The following EML2 variants were observed in gnomAD, a reference collection of about 807,000 sequenced individuals.
The protein encoded by EML2 is EMAP like 2.
Under a neutral mutation model 84.7 loss-of-function variants are expected in EML2, and 59 were observed. The ratio of observed to expected loss-of-function variants is 0.70; its 90% CI spans 0.56 to 0.86. The LOEUF is 0.86. EML2 is among the 40% of genes least tolerant of loss of function. The pLI, the probability that EML2 is intolerant of heterozygous loss-of-function variation, is 0.00. For synonymous variants in EML2, 352 were observed against 348.9 expected, an observed-to-expected ratio of 1.01 and a Z score of -0.10; for missense variants, 818 against 855.6, an observed-to-expected ratio of 0.96 and a Z score of 0.55.
At chr19:45,634,037 G>T (rs1302620437) in intron 4 of EML2, among the ~76,000 whole-genome samples, 2 of 152,158 alleles carry the variant, frequency 1.3e-5, no homozygotes, top group African/African-American at 2.4e-5. Flanking sequence ...TCGACCTCCT[G>T]GGTTCAAGTG....
In EML2 at chr19:45,613,556, G is replaced by T. The variant is rs1437321248; in HGVS notation, c.1809C>A (p.Pro603=). Residue 603 remains proline (P), a synonymous_variant, in exon 18 of 19, where the codon CCC becomes CCA. Coordinates refer to ENST00000245925, the MANE Select transcript of EML2 (RefSeq NM_012155.4). The stretch of plus-strand genomic sequence containing the variant: ...AGGGACTCACTCGAGGCTGACAGCA[G>T]GGGTAGCTAAACAGGTGAACTTTGC... ...DFGKVHLFSY[P]CCQPRALSHK... 3.1e-6 allele frequency: 5 copies of T among 1,613,922 alleles called. No individual in the cohort carries two copies. The African/African-American group carries it at 5.3e-5, about 17-fold the overall frequency.
intron 8 of EML2, among the ~76,000 whole-genome samples, chr19:45,625,747 A>G (rs957335042): frequency 3.3e-5 from 5 of 152,214 alleles, no homozygotes; most frequent in African/African-American, 1.2e-4. Flanking sequence ...AATGAGCCCT[A>G]TGGGAGGAAG....
rs376100577 is a variant in EML2, at chr19:45,625,862, C to CTGTTTT, written c.741+837_741+842dup. Among the ~76,000 whole-genome samples the CTGTTTT allele has an allele frequency of 3.3e-3, 460 of 140,650 alleles. 2 individuals carry two copies. Among genetic ancestry groups the CTGTTTT allele is most frequent in the African/African-American group, 0.013 (392 of 30,716 alleles). The allele number at this position is 140,650 out of a possible 152,430, so 92.3% of individuals were successfully genotyped here. ...CATCATATCGACAACCGCAGCACCC[C>CTGTTTT]TGTTTTTGTTTTTGTTTTTGTTTTT... is the stretch of plus-strand genomic sequence containing the variant. On this transcript the variant is annotated intron_variant, in intron 8 of 18. Transcript: ENST00000245925.
In EML2 at chr19:45,638,985, C is replaced by A. The variant is rs1413828201; in HGVS notation, c.21-112G>T. 3 of 1,293,520 alleles carry A rather than the reference C, an allele frequency of 2.3e-6. No homozygotes were observed. In the South Asian group the frequency reaches 3.6e-5, roughly 15 times the overall value. 80.1% of individuals were successfully genotyped at this position (1,293,520 alleles called of 1,614,324 possible). A position where few individuals can be genotyped will look rare whatever the true frequency, so the allele number is the denominator to read the frequency against. On this transcript the variant is annotated intron_variant, in intron 1 of 18. Coordinates refer to ENST00000245925, the MANE Select transcript of EML2 (RefSeq NM_012155.4). ...CCGGAGGTCTCCGATGAAAACGGGG[C>A]CGAGTAAGGGGCAGAGCGCTGCCTC...
Position 45,624,731 on chromosome 19 carries a change from C to G in EML2, c.829G>C (p.Val277Leu). ...GGGTGACACTGACCTTTGCCCCAAACATAGAGGTTCCCCCCAGAGTCCCCC... is the reference window on the plus strand; with the variant it reads ...GGGTGACACTGACCTTTGCCCCAAAGATAGAGGTTCCCCCCAGAGTCCCCC... ...VTGDSGGNLYVWGKGGNRITQ... is the reference protein window; with the variant it reads ...VTGDSGGNLYLWGKGGNRITQ... The change falls in exon 9 of 19, where the codon GTT becomes CTT. Residue 277 changes from valine to leucine, a missense_variant. Physicochemically the swap from Val to Leu is conservative, Grantham distance 32. Coordinates refer to ENST00000245925, the MANE Select transcript of EML2 (RefSeq NM_012155.4). 3 of 1,613,728 alleles carry G rather than the reference C, an allele frequency of 1.9e-6. No homozygotes were observed. Among genetic ancestry groups the G allele is most frequent in the Non-Finnish European group, 2.5e-6 (3 of 1,179,802 alleles).
chr19:45,630,170 TGGGA>T, intron 6 of EML2, 124 bp from the exon 7 acceptor site: 1 of 685,046 alleles, frequency 1.5e-6, no homozygotes, highest in East Asian at 2.8e-5. Context: ...GCACAGTAGG[TGGGA>T]GGATCGCTTG....
intron 18 of EML2, among the ~76,000 whole-genome samples, chr19:45,611,279 T>A (rs1970465246): frequency 6.6e-6 from 1 of 151,440 alleles, no homozygotes; most frequent in African/African-American, 2.4e-5. Context: ...GGCATGGTGG[T>A]GCATGCCTGT....
At chr19:45,627,144 G>C (rs530560774) in intron 7 of EML2, among the ~76,000 whole-genome samples, 200 of 151,910 alleles carry the variant, frequency 1.3e-3, no homozygotes, top group African/African-American at 4.7e-3. Context: ...ATTCTTAGTA[G>C]AGACAGGATT....
At chr19:45,612,534 T>TGGG (rs1970601011) in intron 18 of EML2, among the ~76,000 whole-genome samples, 1 of 151,902 alleles carries the variant, frequency 6.6e-6, no homozygotes, top group South Asian at 2.1e-4. Flanking sequence ...ATTGGCCAGG[T>TGGG]GTGGTGGTGC....
Position 45,619,141 on chromosome 19 carries a change from C to T in EML2, c.1173G>A (p.Gln391=). 6.2e-7 allele frequency: 1 copy of T among 1,612,256 alleles called. No homozygotes were observed. Among genetic ancestry groups the T allele is most frequent in the South Asian group, 1.1e-5 (1 of 90,880 alleles). Residue 391 remains glutamine, a synonymous_variant, in exon 12 of 19, where the codon CAG becomes CAA. Transcript: ENST00000245925. ...GCTTATCCTGCCCGCAGGTCACAAA[C>T]TGGGCCCGACTGGGGTGTGTGGCCA... ...WGLATHPSRA[Q]FVTCGQDKLV...
chr19:45,642,277 T>C (rs1032041051), upstream of EML2: 1 of 1,535,940 alleles, frequency 6.5e-7, no homozygotes, highest in South Asian at 1.2e-5. Context: ...CTCGTCTTCC[T>C]GTAACTGCAG....
chr19:45,636,203 G>A (rs2122784348), intron 3 of EML2, among the ~76,000 whole-genome samples: 1 of 151,890 alleles, frequency 6.6e-6, no homozygotes, highest in South Asian at 2.1e-4. Flanking sequence ...CAAATTCCTG[G>A]GCTAAAGCAG....
chr19:45,619,821 G>A (rs2080547422), intron 11 of EML2, among the ~76,000 whole-genome samples: 1 of 152,172 alleles, frequency 6.6e-6, no homozygotes, highest in South Asian at 2.1e-4. Context: ...TTGGGAGGCT[G>A]AGGCAGGAAG....
upstream of EML2, chr19:45,643,455 CAGCCTATGGGTGCAGCCAAAATGACT>C: frequency 7.7e-7 from 1 of 1,295,794 alleles, no homozygotes; most frequent in South Asian, 1.3e-5. Flanking sequence ...TTTGGCTCTC[CAGCCTATGGGTGCAGCCAAAATGACT>C]CCCCGAGTCG....
At position 45,633,063 on chromosome 19, in the gene EML2, C is replaced by A; in HGVS notation, c.399+7G>T. The A allele has an allele frequency of 6.3e-7, 1 of 1,589,440 alleles. No homozygotes were observed. The highest frequency in any genetic ancestry group is 8.6e-7 in the Non-Finnish European group (1 of 1,168,366). On this transcript the variant is annotated splice_region_variant and intron_variant, in intron 5 of 18. Transcript: ENST00000245925. The stretch of plus-strand genomic sequence containing the variant: ...ACTCTTTTCTGCTTTCCCCTCCCTT[C>A]CATTACCTTCCCTTCCTTAGTGGTT...
At chr19:45,639,428 G>A, upstream of EML2, 5 of 1,245,362 alleles carry the variant, frequency 4.0e-6, no homozygotes, top group South Asian at 3.9e-5. Context: ...GACCGGCTCT[G>A]CCGCTTCCGG....
chr19:45,626,643 C>T, intron 8 of EML2, 62 bp downstream of exon 8: 2 of 1,555,692 alleles, frequency 1.3e-6, no homozygotes, highest in Non-Finnish European at 1.7e-6. Context: ...CTTGCTACCT[C>T]CCTGCCTGTC....
At chr19:45,613,742 C>G in intron 17 of EML2, 71 bp from the exon 18 acceptor site, 1 of 1,563,462 alleles carries the variant, frequency 6.4e-7, no homozygotes, top group Non-Finnish European at 8.7e-7. Flanking sequence ...AGCAGATTGC[C>G]ACTCCAGCCA....
chr19:45,611,841 TA>T (rs1034090628), intron 18 of EML2, among the ~76,000 whole-genome samples: 48 of 152,118 alleles, frequency 3.2e-4, no homozygotes, highest in South Asian at 1.5e-3. Context: ...GGCTAAAAGA[TA>T]ACCTATGCGT....
Sources: gnomAD v4.1 joint callset for allele counts (sites outside exome capture counted in the v4.1 genomes callset) on GRCh38, gnomAD v4.1.1 for gene constraint, MANE v1.5 for transcripts, NCBI Gene and HGNC (gene_info 2026-07-23, HGNC 2026-07-21) for gene names.